The following GRIA1 variants were observed in gnomAD, a reference collection of about 807,000 sequenced individuals.
The protein encoded by GRIA1 is glutamate receptor 1.
GRIA1 carries 31 observed loss-of-function variants against 99.2 expected under a neutral mutation model. The observed-to-expected ratio is 0.31, with a 90% CI of 0.23 to 0.42. GRIA1 has a LOEUF of 0.42. GRIA1 is among the 10% of genes least tolerant of loss of function. The pLI, the probability that GRIA1 is intolerant of heterozygous loss-of-function variation, is 1.00. For missense variants in GRIA1, 782 were observed against 1,157.5 expected (o/e 0.68, Z 4.71); for synonymous variants, 438 against 432.4 (o/e 1.01, Z -0.16).
intron 2 of GRIA1, among the ~76,000 whole-genome samples, chr5:153,511,693 GT>G (rs1756090762): frequency 1.3e-5 from 2 of 152,170 alleles, no homozygotes; most frequent in Admixed American, 1.3e-4. Flanking sequence ...CTGCAGTCAG[GT>G]AGCAGCCAGG....
At chr5:153,637,875 C>T (rs558325703) in intron 2 of GRIA1, among the ~76,000 whole-genome samples, 5 of 152,282 alleles carry the variant, frequency 3.3e-5, no homozygotes, top group African/African-American at 1.2e-4. Flanking sequence ...TTTCGTTATT[C>T]CCTACCTAGC....
chr5:153,659,655 G>C (rs1392746682), intron 5 of GRIA1, among the ~76,000 whole-genome samples: 1 of 152,184 alleles, frequency 6.6e-6, no homozygotes, highest in Non-Finnish European at 1.5e-5. Flanking sequence ...TGGAAAATGT[G>C]GCACCAACAA....
chr5:153,713,710 C>G (rs1349582427), intron 11 of GRIA1, among the ~76,000 whole-genome samples: 1 of 152,182 alleles, frequency 6.6e-6, no homozygotes, highest in Non-Finnish European at 1.5e-5. Flanking sequence ...ATTGCTGTCT[C>G]TAGATTGTTC....
intron 3 of GRIA1, among the ~76,000 whole-genome samples, chr5:153,647,831 T>C (rs979156161): frequency 2.6e-4 from 40 of 152,320 alleles, no homozygotes; most frequent in African/African-American, 9.6e-4. Flanking sequence ...ATGTCTTTAC[T>C]CATGTTATTC....
At chr5:153,513,260 T>A (rs1338384850) in intron 2 of GRIA1, among the ~76,000 whole-genome samples, 1 of 151,524 alleles carries the variant, frequency 6.6e-6, no homozygotes, top group Non-Finnish European at 1.5e-5. Flanking sequence ...CCAGAGGGAG[T>A]CCTATAGAGA....
At chr5:153,549,966 T>C (rs371817268) in intron 2 of GRIA1, among the ~76,000 whole-genome samples, 92 of 152,160 alleles carry the variant, frequency 6.0e-4, no homozygotes, top group Non-Finnish European at 1.0e-3. Flanking sequence ...TCGCTTACTA[T>C]CGGTATGAAA....
chr5:153,616,128 T>C (rs1490289517), intron 2 of GRIA1, among the ~76,000 whole-genome samples: 2 of 152,114 alleles, frequency 1.3e-5, no homozygotes, highest in African/African-American at 4.8e-5. Context: ...AGGTCCCAGA[T>C]TCAGTATCAC....
At chr5:153,732,073 A>C (rs1370985911) in intron 11 of GRIA1, among the ~76,000 whole-genome samples, 2 of 151,960 alleles carry the variant, frequency 1.3e-5, no homozygotes, top group African/African-American at 4.8e-5. Flanking sequence ...TGTAGGATGT[A>C]CTTCTTTTTT....
Position 153,749,728 on chromosome 5 carries a change from A to G in GRIA1, c.1824-14706A>G, listed in dbSNP as rs141860587. On this transcript the variant is annotated intron_variant, in intron 11 of 15. Transcript: ENST00000285900. ...GAACATGAGATTTGGAGGGACAAAC[A>G]TCCAAACTATATCAGAGAGTGAACC... is the stretch of plus-strand genomic sequence containing the variant. 4.3e-4 allele frequency among the ~76,000 whole-genome samples: 66 copies of G among 152,214 alleles called. 1 individual carries two copies. In the Middle Eastern group the frequency reaches 0.02, roughly 47 times the overall value.
chr5:153,692,419 T>C (rs1483727630), intron 8 of GRIA1, among the ~76,000 whole-genome samples: 2 of 152,216 alleles, frequency 1.3e-5, no homozygotes, highest in African/African-American at 4.8e-5. Context: ...TTTTAAATGG[T>C]TGTAATAAAT....
At chr5:153,746,153 T>C (rs1346538615) in intron 11 of GRIA1, among the ~76,000 whole-genome samples, 2 of 150,894 alleles carry the variant, frequency 1.3e-5, no homozygotes, top group Non-Finnish European at 2.9e-5. Context: ...TAATTCTCTT[T>C]ACTGCCTCGG....
chr5:153,790,470 C>G (rs999996245), intron 13 of GRIA1, among the ~76,000 whole-genome samples: 1 of 152,056 alleles, frequency 6.6e-6, no homozygotes, highest in Non-Finnish European at 1.5e-5. Context: ...AAAACTGAAC[C>G]CCAAATCTAG....
At chr5:153,499,613 CAAA>C (rs70976100) in intron 2 of GRIA1, among the ~76,000 whole-genome samples, 174 of 42,090 alleles carry the variant, frequency 4.1e-3, no homozygotes, top group African/African-American at 0.015. Context: ...GAATTTGTCT[CAAA>C]AAAAAAAAAA....
intron 2 of GRIA1, among the ~76,000 whole-genome samples, chr5:153,596,108 C>A (rs1047548684): frequency 2.0e-4 from 31 of 151,896 alleles, no homozygotes; most frequent in African/African-American, 7.5e-4. Flanking sequence ...GATTTCATGG[C>A]CTGAGTGATC....
At chr5:153,624,718 G>A (rs904244315) in intron 2 of GRIA1, among the ~76,000 whole-genome samples, 7 of 152,180 alleles carry the variant, frequency 4.6e-5, no homozygotes, top group East Asian at 3.8e-4. Context: ...GCCACAGACC[G>A]AAAAGGACTT....
chr5:153,572,174 T>A (rs1762166769), intron 2 of GRIA1, among the ~76,000 whole-genome samples: 1 of 152,188 alleles, frequency 6.6e-6, no homozygotes, highest in African/African-American at 2.4e-5. Context: ...TGTCACACAC[T>A]TGGGGTATGA....
intron 1 of GRIA1, 109 bp downstream of exon 1, chr5:153,491,079 CCT>C: frequency 8.6e-7 from 1 of 1,169,388 alleles, no homozygotes; most frequent in Non-Finnish European, 1.3e-6. Flanking sequence ...TGCTTGGCTC[CCT>C]AAAGCTGTGC....
chr5:153,750,873 G>A (rs546861653), intron 11 of GRIA1, among the ~76,000 whole-genome samples: 42 of 152,244 alleles, frequency 2.8e-4, no homozygotes, highest in Admixed American at 7.8e-4. Context: ...TGAGGCAGCC[G>A]GATCACGAGG....
At chr5:153,730,656 T>C (rs1307457542) in intron 11 of GRIA1, among the ~76,000 whole-genome samples, 1 of 152,120 alleles carries the variant, frequency 6.6e-6, no homozygotes, top group Non-Finnish European at 1.5e-5. Flanking sequence ...AATAAAAGAA[T>C]GGTGGACTGA....
Sources: gnomAD v4.1 joint callset for allele counts (sites outside exome capture counted in the v4.1 genomes callset) on GRCh38, gnomAD v4.1.1 for gene constraint, MANE v1.5 for transcripts, NCBI Gene and HGNC (gene_info 2026-07-23, HGNC 2026-07-21) for gene names.